TTC39B: variants seen among roughly 807,000 people sequenced by gnomAD.
The protein encoded by TTC39B is tetratricopeptide repeat protein 39B.
A neutral mutation model predicts 96.6 loss-of-function variants in TTC39B; 92 were observed. That is an observed-to-expected ratio of 0.95 (90% CI 0.80 to 1.13). The LOEUF (loss-of-function observed/expected upper bound fraction) is 1.13. Among genes scored for constraint, TTC39B ranks in the 50% most tolerant of loss-of-function variants. The pLI is 0.00. For synonymous variants in TTC39B, 367 were observed against 299.4 expected (o/e 1.23, Z -2.33); for missense variants, 955 against 809.3 (o/e 1.18, Z -2.18).
intron 2 of TTC39B, among the ~76,000 whole-genome samples, chr9:15,235,023 C>A (rs199966863): frequency 5.1e-4 from 74 of 145,134 alleles, no homozygotes; most frequent in East Asian, 2.2e-3. Flanking sequence ...CAAGAATGAT[C>A]AATAAATAAA....
exon 3 of TTC39B, chr9:15,225,989 G>A: frequency 6.2e-7 from 1 of 1,613,926 alleles, no homozygotes; most frequent in South Asian, 1.1e-5. Flanking sequence ...AAGGCTGCTT[G>A]TTGCCATATC....
chr9:15,254,171 A>C (rs1822666069), intron 2 of TTC39B, among the ~76,000 whole-genome samples: 1 of 152,154 alleles, frequency 6.6e-6, no homozygotes, highest in Admixed American at 6.5e-5. Flanking sequence ...GCATTAAAAA[A>C]AAAAAGAACC....
At chr9:15,177,415 G>T (rs1358403190) in intron 18 of TTC39B, among the ~76,000 whole-genome samples, 1 of 152,144 alleles carries the variant, frequency 6.6e-6, no homozygotes, top group Non-Finnish European at 1.5e-5. Flanking sequence ...GATTCAGTAT[G>T]ATGCTGCCAG....
chr9:15,184,710 C>G (rs997594039), intron 16 of TTC39B, among the ~76,000 whole-genome samples: 2 of 152,180 alleles, frequency 1.3e-5, no homozygotes, highest in African/African-American at 2.4e-5. Context: ...GGAAATACAG[C>G]TAGACCAAAC....
chr9:15,237,053 G>A (rs547438863), intron 2 of TTC39B, among the ~76,000 whole-genome samples: 1 of 152,056 alleles, frequency 6.6e-6, no homozygotes, highest in South Asian at 2.1e-4. Flanking sequence ...AGTGGCTCAT[G>A]CCTGTAATCC....
At chr9:15,188,322 G>T (rs1222808418) in intron 13 of TTC39B, among the ~76,000 whole-genome samples, 190 bp from the exon 14 acceptor site, 1 of 152,136 alleles carries the variant, frequency 6.6e-6, no homozygotes, top group Non-Finnish European at 1.5e-5. Flanking sequence ...CTTTAATTTT[G>T]TGAGAGGGCC....
rs1455387521 is a variant in TTC39B, at chr9:15,306,309, C to T, written c.240+775G>A. Among the ~76,000 whole-genome samples, 1 of 152,208 alleles carries T rather than the reference C, an allele frequency of 6.6e-6. No homozygotes were observed. The highest frequency in any genetic ancestry group is 1.5e-5 in the Non-Finnish European group (1 of 68,040). On this transcript the variant is annotated intron_variant, in intron 1 of 19. Coordinates refer to ENST00000512701, the Ensembl canonical transcript of TTC39B. This position sits in a 1 kb window ranked among gnomAD's most constrained non-coding sequence, Gnocchi z 5.1. ...ATAGTCAATAAATCAACAGGTCCGGCGCGCTAGCCCCTGGGTGCTCAGGCC... is the reference window on the plus strand; with the variant it reads ...ATAGTCAATAAATCAACAGGTCCGGTGCGCTAGCCCCTGGGTGCTCAGGCC...
At chr9:15,203,978 T>C (rs1819696164) in intron 6 of TTC39B, 88 bp from the exon 7 acceptor site, 4 of 1,290,466 alleles carry the variant, frequency 3.1e-6, no homozygotes, top group Non-Finnish European at 4.2e-6. Context: ...GGCAGAAAAA[T>C]GAACCCAAGA....
chr9:15,234,171 G>A (rs1821629946), intron 2 of TTC39B, among the ~76,000 whole-genome samples: 1 of 150,430 alleles, frequency 6.6e-6, no homozygotes, highest in African/African-American at 2.5e-5. Context: ...CGCCCCATCT[G>A]AGAAGTGAGG....
exon 20 of TTC39B, chr9:15,166,982 T>TATATATATA (rs1817529336): frequency 1.5e-4 from 3 of 20,280 alleles, no homozygotes; most frequent in African/African-American, 5.5e-4. Context: ...AACCTTTATT[T>TATATATATA]TATATATATA....
At chr9:15,167,026 A>ATTTTT (rs1817541466) in exon 20 of TTC39B, 5 of 11,586 alleles carry the variant, frequency 4.3e-4, no homozygotes, top group Non-Finnish European at 5.7e-4. Flanking sequence ...ATATATATAT[A>ATTTTT]TATTTTTTTT....
intron 8 of TTC39B, among the ~76,000 whole-genome samples, chr9:15,192,967 A>T (rs1045581328): frequency 6.6e-6 from 1 of 152,222 alleles, no homozygotes; most frequent in Admixed American, 6.5e-5. Flanking sequence ...ACCAGCCAGG[A>T]GCCGCAGGAC....
intron 1 of TTC39B, among the ~76,000 whole-genome samples, chr9:15,303,735 G>A (rs1344746195): frequency 3.3e-5 from 5 of 151,650 alleles, no homozygotes; most frequent in East Asian, 3.9e-4. Context: ...AGGTTCAAGC[G>A]ATTCTCCTGC....
intron 1 of TTC39B, among the ~76,000 whole-genome samples, chr9:15,302,401 G>T (rs1461538058): frequency 6.6e-6 from 1 of 151,592 alleles, no homozygotes; most frequent in Non-Finnish European, 1.5e-5. Flanking sequence ...TGGATCACAA[G>T]GTCAGGAGTT....
intron 3 of TTC39B, among the ~76,000 whole-genome samples, chr9:15,215,180 G>A (rs1820439370): frequency 6.6e-6 from 1 of 152,166 alleles, no homozygotes; most frequent in African/African-American, 2.4e-5. Flanking sequence ...GAGCTCAGGA[G>A]TTTGTGGCTG....
intron 1 of TTC39B, among the ~76,000 whole-genome samples, chr9:15,286,769 C>T (rs1186882620): frequency 6.6e-6 from 1 of 152,186 alleles, no homozygotes; most frequent in Non-Finnish European, 1.5e-5. Flanking sequence ...AAGCAAAAGT[C>T]TTCCATCTCC....
chr9:15,302,363 T>A (rs1824621986), intron 1 of TTC39B, among the ~76,000 whole-genome samples: 2 of 150,088 alleles, frequency 1.3e-5, no homozygotes, highest in East Asian at 4.0e-4. Context: ...ACGCCTGTAA[T>A]CCCAGCACTT....
intron 1 of TTC39B, among the ~76,000 whole-genome samples, chr9:15,297,405 A>T (rs1355563919): frequency 6.6e-6 from 1 of 152,182 alleles, no homozygotes; most frequent in Non-Finnish European, 1.5e-5. Context: ...TCACACAGCT[A>T]GTCAGTAAAG....
At chr9:15,271,716 AG>A (rs1287739575) in intron 1 of TTC39B, among the ~76,000 whole-genome samples, 9 of 152,178 alleles carry the variant, frequency 5.9e-5, no homozygotes, top group African/African-American at 2.2e-4. Flanking sequence ...CCCTGCTTTA[AG>A]GTATTACCCA....
Sources: gnomAD v4.1 joint callset for allele counts (sites outside exome capture counted in the v4.1 genomes callset) on GRCh38, gnomAD v4.1.1 for gene constraint, Gnocchi (gnomAD v3.1) non-coding constraint, MANE v1.5 for transcripts, NCBI Gene and HGNC (gene_info 2026-07-23, HGNC 2026-07-21) for gene names.